Variants in PACSIN2 observed in about 807,000 individuals in gnomAD.
The protein encoded by PACSIN2 is protein kinase C and casein kinase substrate in neurons 2.
PACSIN2 carries 25 observed loss-of-function variants against 63.8 expected under a neutral mutation model. The ratio of observed to expected loss-of-function variants is 0.39; its 90% CI spans 0.29 to 0.55. The LOEUF is 0.55. PACSIN2 is among the 20% of genes least tolerant of loss of function. PACSIN2 has a pLI of 0.62. For missense variants in PACSIN2, 518 were observed against 646.9 expected (o/e 0.80, Z 2.16); for synonymous variants, 255 against 256.2 (o/e 1.00, Z 0.05).
chr22:42,912,850 T>C (rs1931552736), intron 1 of PACSIN2, among the ~76,000 whole-genome samples: 1 of 152,240 alleles, frequency 6.6e-6, no homozygotes, highest in African/African-American at 2.4e-5. Context: ...TTCTTTACCT[T>C]ACCCTGTGTT....
At chr22:42,905,358 C>T (rs1354016051) in intron 2 of PACSIN2, among the ~76,000 whole-genome samples, 1 of 152,268 alleles carries the variant, frequency 6.6e-6, no homozygotes, top group African/African-American at 2.4e-5. Context: ...AGAGAGGACG[C>T]TCAGAGACCA....
chr22:42,988,663 GCAGTT>G (rs1459707008), intron 1 of PACSIN2, among the ~76,000 whole-genome samples: 3 of 152,196 alleles, frequency 2.0e-5, no homozygotes, highest in Admixed American at 6.5e-5. Flanking sequence ...TGTACCAAAT[GCAGTT>G]CAGTTAACAT....
At chr22:42,980,819 C>T (rs1321699312) in intron 1 of PACSIN2, among the ~76,000 whole-genome samples, 4 of 77,150 alleles carry the variant, frequency 5.2e-5, no homozygotes, top group African/African-American at 1.7e-4. Flanking sequence ...AGTGCAGTGG[C>T]GTGATCTCGG....
Position 42,877,025 on chromosome 22 carries a change from A to C in PACSIN2, c.1029-15T>G. On this transcript the variant is annotated splice_polypyrimidine_tract_variant and intron_variant, in intron 8 of 10. Transcript: ENST00000263246. ...CATTAAGGGTGCTATGGAGAGAGAG[A>C]GCTTTCAGGGGATCCCAGCTCTGCA... 1 of 1,613,626 alleles carries C rather than the reference A, an allele frequency of 6.2e-7. No homozygotes were observed.
intron 9 of PACSIN2, 84 bp downstream of exon 9, chr22:42,876,804 C>T (rs760181011): frequency 5.9e-5 from 93 of 1,567,582 alleles, no homozygotes; most frequent in Middle Eastern, 1.7e-4. Flanking sequence ...TGCCGAGTGC[C>T]GAGGGGTGAG....
At chr22:42,895,057 G>A (rs750706890) in intron 2 of PACSIN2, among the ~76,000 whole-genome samples, 13 of 152,194 alleles carry the variant, frequency 8.5e-5, no homozygotes, top group South Asian at 2.1e-4. Context: ...TGGTTAGCCT[G>A]GGCAGCCTTC....
intron 1 of PACSIN2, among the ~76,000 whole-genome samples, chr22:42,913,553 T>C (rs1321112651): frequency 1.3e-5 from 2 of 149,578 alleles, no homozygotes; most frequent in African/African-American, 4.9e-5. Flanking sequence ...AAGTCAAATA[T>C]ATACAAGAGC....
At chr22:43,010,408 A>ATATATATATATATATAT (rs1555950833) in intron 1 of PACSIN2, among the ~76,000 whole-genome samples, 3 of 120,550 alleles carry the variant, frequency 2.5e-5, no homozygotes, top group African/African-American at 1.1e-4. Context: ...ATTTTTTTTT[A>ATATATATATATATATAT]ATTGAAAATA....
intron 7 of PACSIN2, 90 bp from the exon 8 acceptor site, chr22:42,879,259 AGTT>A: frequency 7.0e-7 from 1 of 1,427,676 alleles, no homozygotes; most frequent in Non-Finnish European, 9.5e-7. Context: ...GCGAGCCTGC[AGTT>A]GGCTCTGTGC....
intron 1 of PACSIN2, among the ~76,000 whole-genome samples, chr22:42,979,688 G>A (rs1427587890): frequency 6.6e-6 from 1 of 152,130 alleles, no homozygotes; most frequent in Non-Finnish European, 1.5e-5. Flanking sequence ...TATATGCTCT[G>A]TCTTAAGGCA....
intron 1 of PACSIN2, among the ~76,000 whole-genome samples, chr22:42,955,964 T>C (rs1402693889): frequency 6.6e-6 from 1 of 152,242 alleles, no homozygotes; most frequent in Non-Finnish European, 1.5e-5. Context: ...TACCAATCTA[T>C]GTTAGGAATT....
intron 2 of PACSIN2, among the ~76,000 whole-genome samples, chr22:42,905,995 G>C (rs1931048535): frequency 6.6e-6 from 1 of 152,258 alleles, no homozygotes; most frequent in Non-Finnish European, 1.5e-5. Flanking sequence ...TGCTGTGCAT[G>C]GCACCAGGCC....
chr22:42,878,439 C>T (rs1928813893), intron 8 of PACSIN2, among the ~76,000 whole-genome samples: 1 of 152,190 alleles, frequency 6.6e-6, no homozygotes, highest in Admixed American at 6.5e-5. Flanking sequence ...GGCCTGTGGG[C>T]AGGTCCTATA....
At chr22:42,932,051 C>T (rs2146777217) in intron 1 of PACSIN2, among the ~76,000 whole-genome samples, 1 of 152,284 alleles carries the variant, frequency 6.6e-6, no homozygotes, top group South Asian at 2.1e-4. Context: ...CACATCACTT[C>T]AACCCTAACT....
Position 42,884,453 on chromosome 22 carries a change from G to T in PACSIN2, c.718C>A (p.Arg240Ser), listed in dbSNP as rs369727314. The T allele has an allele frequency of 6.2e-7, 1 of 1,614,200 alleles. No homozygotes were observed. Among genetic ancestry groups the T allele is most frequent in the South Asian group, 1.1e-5 (1 of 91,086 alleles). ...AGAACCTCCCGGAAGAAGCGAAGGCGTTTCTCCTCGAACTGCTGGCACTGC... is the reference window on the plus strand; with the variant it reads ...AGAACCTCCCGGAAGAAGCGAAGGCTTTTCTCCTCGAACTGCTGGCACTGC... ...FEQCQQFEEK[R>S]LRFFREVLLE... The change falls in exon 6 of 11, where the codon CGC (arginine) becomes AGC (serine). Residue 240 changes from arginine to serine, a missense_variant. Arg to Ser is a moderately radical substitution (Grantham distance 110). Around this residue, in one of 2 missense-constraint regions of PACSIN2, gnomAD observed 507 missense variants for 612.3 expected, o/e 0.83. Coordinates refer to ENST00000263246, the MANE Select transcript of PACSIN2 (RefSeq NM_001184970.3).
intron 1 of PACSIN2, among the ~76,000 whole-genome samples, chr22:42,994,256 G>A (rs1238264279): frequency 2.0e-5 from 3 of 152,206 alleles, no homozygotes; most frequent in Non-Finnish European, 4.4e-5. Flanking sequence ...GGACAGGCCT[G>A]CTCTTAACCC....
chr22:42,998,508 T>A (rs1923559600), intron 1 of PACSIN2, among the ~76,000 whole-genome samples: 1 of 152,176 alleles, frequency 6.6e-6, no homozygotes, highest in African/African-American at 2.4e-5. Context: ...CTTTTAAAGA[T>A]CAATAAGGTT....
chr22:42,917,843 T>C (rs1486980545), intron 1 of PACSIN2, among the ~76,000 whole-genome samples: 1 of 152,102 alleles, frequency 6.6e-6, no homozygotes, highest in Non-Finnish European at 1.5e-5. Flanking sequence ...CCGGCTGGCC[T>C]TTAACTCCTG....
chr22:42,963,501 AG>A (rs1193890077), intron 1 of PACSIN2, among the ~76,000 whole-genome samples: 1 of 152,216 alleles, frequency 6.6e-6, no homozygotes, highest in Non-Finnish European at 1.5e-5. Context: ...ACTCAAAGAC[AG>A]GACAGGATCC....
Sources: allele counts gnomAD v4.1 joint callset (sites outside exome capture counted in the v4.1 genomes callset), GRCh38; gene constraint gnomAD v4.1.1; regional missense constraint gnomAD v4.1.1; transcripts MANE v1.5; gene names NCBI Gene and HGNC (gene_info 2026-07-23, HGNC 2026-07-21).